The following PLCZ1 variants were observed in gnomAD, a reference collection of about 807,000 sequenced individuals.
PLCZ1 encodes phospholipase C zeta 1.
PLCZ1 carries 64 observed loss-of-function variants against 76.8 expected under a neutral mutation model. The ratio of observed to expected loss-of-function variants is 0.83; its 90% CI spans 0.68 to 1.03. The LOEUF is 1.03. Ranked by LOEUF, PLCZ1 falls within the 50% of genes least tolerant of loss-of-function variation. The pLI, the probability that PLCZ1 is intolerant of heterozygous loss-of-function variation, is 0.00. For synonymous variants in PLCZ1, 248 were observed against 230.8 expected, an observed-to-expected ratio of 1.07 and a Z score of -0.68; for missense variants, 751 against 713.7, an observed-to-expected ratio of 1.05 and a Z score of -0.60.
the PLCZ1 span, among the ~76,000 whole-genome samples, chr12:18,671,127 A>G: frequency 6.6e-6 from 1 of 151,458 alleles, no homozygotes; most frequent in Admixed American, 6.6e-5. Flanking sequence ...CAGTGATTTC[A>G]GCAGTGAGCC....
At chr12:18,696,501 G>T (rs1532006) in intron 10 of PLCZ1, among the ~76,000 whole-genome samples, 67,434 of 150,290 alleles carry the variant, frequency 0.45, 16,009 homozygotes, top group African/African-American at 0.61. Flanking sequence ...ATCATAAAAT[G>T]TATGTACACT....
chr12:18,688,626 A>C (rs987631238), intron 12 of PLCZ1, among the ~76,000 whole-genome samples: 7 of 151,956 alleles, frequency 4.6e-5, no homozygotes, highest in Non-Finnish European at 7.4e-5. Flanking sequence ...TGTACCATTT[A>C]ACTCCCTGTG....
intron 3 of PLCZ1, among the ~76,000 whole-genome samples, chr12:18,728,008 T>A (rs1049664055): frequency 6.6e-6 from 1 of 152,102 alleles, no homozygotes; most frequent in Admixed American, 6.5e-5. Flanking sequence ...CTTAGATAAC[T>A]GAGAATGGTG....
At chr12:18,706,272 A>G (rs959969792) in intron 6 of PLCZ1, among the ~76,000 whole-genome samples, 3 of 152,024 alleles carry the variant, frequency 2.0e-5, no homozygotes, top group Admixed American at 1.3e-4. Flanking sequence ...AGACAGAGCT[A>G]TCTATACTGC....
chr12:18,691,172 A>G (rs556064623), intron 12 of PLCZ1, among the ~76,000 whole-genome samples: 3 of 152,254 alleles, frequency 2.0e-5, no homozygotes, highest in Middle Eastern at 3.4e-3. Flanking sequence ...GTTGGTCTGG[A>G]TGTGGGATGT....
intron 3 of PLCZ1, among the ~76,000 whole-genome samples, chr12:18,732,500 C>T (rs1039999929): frequency 6.6e-6 from 1 of 152,148 alleles, no homozygotes; most frequent in African/African-American, 2.4e-5. Flanking sequence ...CTAAGATCTA[C>T]CCTCTTACAC....
Position 18,723,294 on chromosome 12 carries a change from T to C in PLCZ1, c.367+17A>G, listed in dbSNP as rs745935457. 6.3e-7 allele frequency: 1 copy of C among 1,591,620 alleles called. No homozygotes were observed. The highest frequency in any genetic ancestry group is 8.6e-7 in the Non-Finnish European group (1 of 1,162,838). On this transcript the variant is annotated intron_variant, in intron 4 of 14. Coordinates refer to ENST00000266505, the MANE Select transcript of PLCZ1 (RefSeq NM_033123.4). Reference sequence around the variant, plus strand: ...CACATATAAATATTCCGATAAAAGTTTGAAATGCAAACATACCTTCTTCGA... The same window carrying C: ...CACATATAAATATTCCGATAAAAGTCTGAAATGCAAACATACCTTCTTCGA...
chr12:18,690,640 C>T lies in PLCZ1; in HGVS notation c.1462-2422G>A, dbSNP rs115806268. Among the ~76,000 whole-genome samples, 762 of 152,200 alleles carry T rather than the reference C, an allele frequency of 5.0e-3. 4 individuals carry two copies. Among genetic ancestry groups the T allele is most frequent in the African/African-American group, 0.017 (705 of 41,532 alleles). On this transcript the variant is annotated intron_variant, in intron 12 of 14. Transcript: ENST00000266505. ...TAATATATGCATGCAGAGGGTGTTACGGAAAACAGCAAAGCTATGAAAAGA... is the reference window on the plus strand; with the variant it reads ...TAATATATGCATGCAGAGGGTGTTATGGAAAACAGCAAAGCTATGAAAAGA...
chr12:18,693,816 T>C (rs1954522443), intron 12 of PLCZ1: 9 of 1,526,268 alleles, frequency 5.9e-6, no homozygotes, highest in African/African-American at 2.7e-5. Flanking sequence ...CCAGGCCGCA[T>C]TGGCAGGAAG....
intron 3 of PLCZ1, among the ~76,000 whole-genome samples, chr12:18,733,521 C>T (rs749944064): frequency 6.6e-5 from 10 of 152,132 alleles, no homozygotes; most frequent in Non-Finnish European, 1.3e-4. Context: ...CCTTTGGAAT[C>T]ATATCTAAGA....
intron 6 of PLCZ1, among the ~76,000 whole-genome samples, chr12:18,706,025 G>A (rs1007362419): frequency 6.6e-6 from 1 of 151,896 alleles, no homozygotes; most frequent in Non-Finnish European, 1.5e-5. Context: ...TCAGGAGTTC[G>A]AGACCAGGCT....
intron 1 of PLCZ1, 189 bp downstream of exon 1, chr12:18,737,743 T>C (rs1959558967): frequency 2.6e-6 from 1 of 391,626 alleles, no homozygotes; most frequent in African/African-American, 2.0e-5. Flanking sequence ...TTTTATTTTT[T>C]ACTACTTTGT....
Position 18,684,139 on chromosome 12 carries a change from T to C in PLCZ1, c.1732A>G (p.Met578Val), listed in dbSNP as rs780852544. ...LGQYTLPLLC[M>V]NKGYRRIPLF... is the part of the protein sequence containing the mutation. The stretch of plus-strand genomic sequence containing the variant: ...CTTTTAGGGACATTACCTTTGTTCA[T>C]GCATAGAAGTGGCAAAGTATATTGC... Residue 578 changes from methionine to valine, a missense_variant, in exon 14 of 15, where the codon ATG (methionine) becomes GTG (valine). By Grantham distance (21) the Met-to-Val change is conservative. Transcript: ENST00000266505. 1 of 1,611,700 alleles carries C rather than the reference T, an allele frequency of 6.2e-7. No homozygotes were observed. Among genetic ancestry groups the C allele is most frequent in the Non-Finnish European group, 8.5e-7 (1 of 1,178,612 alleles).
intron 7 of PLCZ1, 73 bp from the exon 8 acceptor site, chr12:18,701,849 GT>G: frequency 1.3e-6 from 2 of 1,533,084 alleles, no homozygotes; most frequent in Middle Eastern, 2.1e-4. Context: ...ACTGAAAAGT[GT>G]TTCACTATAT....
At chr12:18,716,109 T>G (rs1176898102) in intron 5 of PLCZ1, among the ~76,000 whole-genome samples, 1 of 152,210 alleles carries the variant, frequency 6.6e-6, no homozygotes, top group Admixed American at 6.5e-5. Context: ...TTGTAAAGTT[T>G]CTTAATTTCT....
chr12:18,736,580 T>G, intron 2 of PLCZ1: 1 of 1,271,422 alleles, frequency 7.9e-7, no homozygotes, highest in Non-Finnish European at 1.0e-6. Context: ...AGAATTAAAG[T>G]TAAAATTTGA....
chr12:18,649,237 T>C, the PLCZ1 span, among the ~76,000 whole-genome samples: 1 of 152,050 alleles, frequency 6.6e-6, no homozygotes, highest in African/African-American at 2.4e-5. Flanking sequence ...TTAGAATCAG[T>C]AAAAAGAAAC....
At chr12:18,661,315 T>C in the PLCZ1 span, among the ~76,000 whole-genome samples, 3 of 151,330 alleles carry the variant, frequency 2.0e-5, no homozygotes, top group Non-Finnish European at 4.4e-5. Context: ...GAACTCCAAA[T>C]GAGATAACTC....
the PLCZ1 span, among the ~76,000 whole-genome samples, chr12:18,658,679 C>A: frequency 1.1e-4 from 16 of 152,028 alleles, no homozygotes; most frequent in East Asian, 5.8e-4. Context: ...ACATAACCGA[C>A]CTGTAACTTT....
Sources: allele counts gnomAD v4.1 joint callset (sites outside exome capture counted in the v4.1 genomes callset), GRCh38; gene constraint gnomAD v4.1.1; transcripts MANE v1.5; gene names NCBI Gene and HGNC (gene_info 2026-07-23, HGNC 2026-07-21).